The following EXPH5 variants were observed in gnomAD, a reference collection of about 807,000 sequenced individuals.
EXPH5 encodes exophilin-5.
A neutral mutation model predicts 41.1 loss-of-function variants in EXPH5; 42 were observed. The observed-to-expected ratio is 1.02, with a 90% CI of 0.80 to 1.32. EXPH5 has a LOEUF of 1.32. Ranked by LOEUF, EXPH5 falls within the 40% of genes most tolerant of loss-of-function variation. The pLI, the probability that EXPH5 is intolerant of heterozygous loss-of-function variation, is 0.00. For synonymous variants in EXPH5, 798 were observed against 833.5 expected (o/e 0.96, Z 0.73); for missense variants, 2,298 against 2,314.5 (o/e 0.99, Z 0.15).
At chr11:108,555,726 T>A (rs542805306) in intron 1 of EXPH5, among the ~76,000 whole-genome samples, 5 of 152,274 alleles carry the variant, frequency 3.3e-5, no homozygotes, top group Non-Finnish European at 7.3e-5. Flanking sequence ...TCTCAGGAGA[T>A]CTTATGGTTT....
intron 1 of EXPH5, among the ~76,000 whole-genome samples, chr11:108,549,627 G>A (rs1415639450): frequency 6.6e-6 from 1 of 152,208 alleles, no homozygotes; most frequent in Non-Finnish European, 1.5e-5. Flanking sequence ...GTCATTGTGT[G>A]TAAGTAATCC....
upstream of EXPH5, among the ~76,000 whole-genome samples, chr11:108,594,607 C>A (rs988114596): frequency 6.6e-6 from 1 of 151,950 alleles, no homozygotes; most frequent in Non-Finnish European, 1.5e-5. Flanking sequence ...ATTATCAAGG[C>A]TTTTACAGAA....
chr11:108,594,529 A>G (rs2094135804), upstream of EXPH5, among the ~76,000 whole-genome samples: 1 of 152,236 alleles, frequency 6.6e-6, no homozygotes, highest in Non-Finnish European at 1.5e-5. Context: ...TAGAAAGTCA[A>G]TTGTTCCACA....
Position 108,574,921 on chromosome 11 carries a change from C to T in EXPH5, c.119+18497G>A, listed in dbSNP as rs531253463. ...GTCTGGAGCAGCTGCAGCTATTTTG[C>T]GTTACAAAGGCACCATTCTAACATA... On this transcript the variant is annotated intron_variant, in intron 1 of 5. Transcript: ENST00000265843. Among the ~76,000 whole-genome samples, 222 of 152,276 alleles carry T rather than the reference C, an allele frequency of 1.5e-3. 1 individual carries two copies. The highest frequency in any genetic ancestry group is 5.2e-3 in the African/African-American group (216 of 41,558).
intron 4 of EXPH5, among the ~76,000 whole-genome samples, chr11:108,525,848 A>C (rs909966247): frequency 6.6e-6 from 1 of 151,946 alleles, no homozygotes; most frequent in African/African-American, 2.4e-5. Flanking sequence ...TTACTTTAAA[A>C]ATTTAGAGAT....
intron 1 of EXPH5, among the ~76,000 whole-genome samples, chr11:108,584,485 A>G (rs2101141): frequency 6.6e-6 from 1 of 151,952 alleles, no homozygotes; most frequent in Non-Finnish European, 1.5e-5. Context: ...CTCAAAAAAA[A>G]AAAAAGGGAG....
intron 1 of EXPH5, among the ~76,000 whole-genome samples, chr11:108,550,801 T>C (rs1414057429): frequency 1.3e-5 from 2 of 151,394 alleles, no homozygotes. Context: ...AATAAATAAA[T>C]AAAAAATAAA....
At chr11:108,514,959 G>T (rs2135933312) in intron 5 of EXPH5, 84 bp from the exon 6 acceptor site, 3 of 749,012 alleles carry the variant, frequency 4.0e-6, no homozygotes, top group East Asian at 6.0e-5. Flanking sequence ...TCCTTTTCAA[G>T]AAACATAATC....
At chr11:108,523,579 TA>T (rs1225536893) in intron 4 of EXPH5, among the ~76,000 whole-genome samples, 2 of 152,136 alleles carry the variant, frequency 1.3e-5, no homozygotes, top group Non-Finnish European at 2.9e-5. Flanking sequence ...GGTGGAAAAC[TA>T]ACTATATAAG....
chr11:108,538,025 T>C, intron 3 of EXPH5: 2 of 985,432 alleles, frequency 2.0e-6, no homozygotes, highest in Non-Finnish European at 1.2e-6. Context: ...ATCTACATTG[T>C]GGTCTGCTCT....
intron 1 of EXPH5, among the ~76,000 whole-genome samples, chr11:108,578,629 G>T (rs1209148366): frequency 6.6e-6 from 1 of 152,040 alleles, no homozygotes; most frequent in Non-Finnish European, 1.5e-5. Flanking sequence ...GTGTAGTATG[G>T]GTATTTAAAC....
chr11:108,528,849 C>A (rs2093817758), intron 3 of EXPH5, among the ~76,000 whole-genome samples: 1 of 151,636 alleles, frequency 6.6e-6, no homozygotes, highest in South Asian at 2.1e-4. Context: ...ATTACAGGCG[C>A]CTGCCACCAT....
intron 4 of EXPH5, among the ~76,000 whole-genome samples, chr11:108,520,042 CCTGACCCCTGGGCCA>C: frequency 6.6e-6 from 1 of 151,868 alleles, no homozygotes; most frequent in Non-Finnish European, 1.5e-5. Flanking sequence ...AATAGGGGTC[CCTGACCCCTGGGCCA>C]CAGACCGGTA....
In EXPH5 at chr11:108,512,019, G is replaced by A; in HGVS notation, c.3488C>T (p.Pro1163Leu). 1 of 1,593,668 alleles carries A rather than the reference G, an allele frequency of 6.3e-7. No homozygotes were observed. The highest frequency in any genetic ancestry group is 1.2e-5 in the South Asian group (1 of 86,634). ...TCTAACAGATGAGTCACTTTCCACAGGGCTAATGATTCTCTCCCAAGCCCT... is the reference window on the plus strand; with the variant it reads ...TCTAACAGATGAGTCACTTTCCACAAGGCTAATGATTCTCTCCCAAGCCCT... ...TPRAWERIIS[P>L]VESDSSVRDC... is the part of the protein sequence containing the mutation. The change falls in exon 6 of 6, where the codon CCT (proline) becomes CTT (leucine). Residue 1163 changes from proline to leucine, a missense_variant. Pro to Leu is a moderately conservative substitution (Grantham distance 98, BLOSUM62 -3). Coordinates refer to ENST00000265843, the MANE Select transcript of EXPH5 (RefSeq NM_015065.3).
intron 1 of EXPH5, among the ~76,000 whole-genome samples, chr11:108,573,269 A>G (rs556352695): frequency 1.4e-4 from 22 of 152,324 alleles, no homozygotes; most frequent in African/African-American, 5.3e-4. Flanking sequence ...AGGGAGAAAG[A>G]AAAGGAGTCT....
intron 1 of EXPH5, among the ~76,000 whole-genome samples, chr11:108,545,311 T>G (rs1297563533): frequency 6.6e-6 from 1 of 152,116 alleles, no homozygotes; most frequent in Non-Finnish European, 1.5e-5. Flanking sequence ...CTACGTGGGA[T>G]GCTGAGGTAT....
At chr11:108,564,991 C>T (rs773322423) in intron 1 of EXPH5, among the ~76,000 whole-genome samples, 3 of 150,882 alleles carry the variant, frequency 2.0e-5, no homozygotes, top group Admixed American at 6.6e-5. Flanking sequence ...CTGCAACCTC[C>T]GCCTCCCGGG....
rs527977889 is a variant in EXPH5 at position 108,549,350 on chromosome 11, G to C, written c.120-7538C>G. Among the ~76,000 whole-genome samples the C allele has an allele frequency of 1.8e-4, 28 of 152,276 alleles. No individual in the cohort carries two copies. In the South Asian group the frequency reaches 5.4e-3, roughly 29 times the overall value. ...AAATGCTGCCTTGGATTTCATCCTA[G>C]CACCTCTGGAACACACCACTCCTCT... On this transcript the variant is annotated intron_variant, in intron 1 of 5. Coordinates refer to ENST00000265843, the MANE Select transcript of EXPH5 (RefSeq NM_015065.3).
intron 3 of EXPH5, among the ~76,000 whole-genome samples, chr11:108,534,394 T>C (rs1175669906): frequency 2.0e-5 from 3 of 152,210 alleles, no homozygotes; most frequent in Non-Finnish European, 4.4e-5. Context: ...CTCCTTAGTA[T>C]GGCATTGCTC....
Sources: gnomAD v4.1 joint callset for allele counts (sites outside exome capture counted in the v4.1 genomes callset) on GRCh38, gnomAD v4.1.1 for gene constraint, MANE v1.5 for transcripts, NCBI Gene and HGNC (gene_info 2026-07-23, HGNC 2026-07-21) for gene names.